Variants in LMBRD2 observed in about 807,000 individuals in gnomAD.
The protein encoded by LMBRD2 is G protein-coupled receptor-associated protein LMBRD2.
A neutral mutation model predicts 94.4 loss-of-function variants in LMBRD2; 55 were observed. That is an observed-to-expected ratio of 0.58 (90% CI 0.47 to 0.73). LMBRD2 has a LOEUF of 0.73. LMBRD2 is among the 30% of genes least tolerant of loss of function. The probability of loss-of-function intolerance (pLI) is 0.00; values close to 1 mark genes in which losing one functional copy is unlikely to be tolerated. For missense variants in LMBRD2, 640 were observed against 831.9 expected, an observed-to-expected ratio of 0.77 and a Z score of 2.84; for synonymous variants, 246 against 272.4, an observed-to-expected ratio of 0.90 and a Z score of 0.95.
intron 6 of LMBRD2, among the ~76,000 whole-genome samples, chr5:36,131,202 A>T (rs1386717219): frequency 6.6e-6 from 1 of 152,308 alleles, no homozygotes; most frequent in East Asian, 1.9e-4. Flanking sequence ...AATCAATGTG[A>T]TATATCATAT....
intron 15 of LMBRD2, among the ~76,000 whole-genome samples, 159 bp downstream of exon 15, chr5:36,109,786 A>T (rs1743560041): frequency 6.6e-6 from 1 of 152,072 alleles, no homozygotes; most frequent in Non-Finnish European, 1.5e-5. Flanking sequence ...TAGCGTATAT[A>T]CCTGAAAGTA....
chr5:36,118,827 T>C (rs1743820312), intron 9 of LMBRD2, among the ~76,000 whole-genome samples: 1 of 151,980 alleles, frequency 6.6e-6, no homozygotes, highest in Admixed American at 6.6e-5. Flanking sequence ...ATTTTCTGTA[T>C]TTTTATTAGA....
chr5:36,123,860 G>C (rs936864902), intron 7 of LMBRD2, among the ~76,000 whole-genome samples: 2 of 151,612 alleles, frequency 1.3e-5, no homozygotes, highest in African/African-American at 4.8e-5. Flanking sequence ...AGATATTACT[G>C]AGGCCTTGGT....
Position 36,124,258 on chromosome 5 carries a change from C to T in LMBRD2, c.755G>A (p.Arg252His), listed in dbSNP as rs747697883. Residue 252 changes from arginine (R) to histidine (H), a missense_variant, in exon 7 of 18, where the codon CGT (arginine) becomes CAT (histidine). This residue lies in a region of LMBRD2 where 457 missense variants were observed against 642.8 expected (regional missense o/e 0.71). Transcript: ENST00000296603. Reference sequence around the variant, plus strand: ...ATACTTGATGCTTTCATTCACTTTACGAACCTCCTATAAAAACAGTAAAAT... The same window carrying T: ...ATACTTGATGCTTTCATTCACTTTATGAACCTCCTATAAAAACAGTAAAAT... ...ENLEDAMEEV[R>H]KVNESIKYNH... 27 of 1,567,614 alleles carry T rather than the reference C, an allele frequency of 1.7e-5. No homozygotes were observed. Among genetic ancestry groups the T allele is most frequent in the Admixed American group, 1.0e-4 (6 of 59,410 alleles).
intron 9 of LMBRD2, among the ~76,000 whole-genome samples, chr5:36,121,383 C>T (rs962516058): frequency 3.3e-5 from 5 of 152,100 alleles, no homozygotes; most frequent in Non-Finnish European, 4.4e-5. Flanking sequence ...AAAGGAGAAT[C>T]AAGTGAATAT....
At chr5:36,148,808 A>G (rs1744617111) in intron 1 of LMBRD2, among the ~76,000 whole-genome samples, 1 of 152,220 alleles carries the variant, frequency 6.6e-6, no homozygotes, top group Non-Finnish European at 1.5e-5. Context: ...ATCTAGACAT[A>G]GTTTCTTAAT....
In LMBRD2 at chr5:36,099,243, A is replaced by G. The variant is rs1223616100; in HGVS notation, c.*4803T>C. 6.6e-6 allele frequency: 1 copy of G among 152,158 alleles called. No homozygotes were observed. The highest frequency in any genetic ancestry group is 1.5e-5 in the Non-Finnish European group (1 of 67,988). 9.4% of individuals were successfully genotyped at this position (152,158 alleles called of 1,614,324 possible). On this transcript the variant is annotated 3_prime_UTR_variant, in exon 18 of 18. Coordinates refer to ENST00000296603, the MANE Select transcript of LMBRD2 (RefSeq NM_001007527.2). The stretch of plus-strand genomic sequence containing the variant: ...ACTATTTAAAAGCAATACTACAATT[A>G]GTTACTTACAAAAACATTTATAAAA...
chr5:36,112,898 G>A (rs900818825), intron 13 of LMBRD2, among the ~76,000 whole-genome samples: 8 of 151,964 alleles, frequency 5.3e-5, no homozygotes, highest in African/African-American at 1.9e-4. Context: ...ATAGTTTTAG[G>A]CACACAAAGT....
chr5:36,151,109 ACT>A lies in LMBRD2; in HGVS notation c.-58+445_-58+446del, dbSNP rs754755300. On this transcript the variant is annotated intron_variant, in intron 1 of 17. Coordinates refer to ENST00000296603, the MANE Select transcript of LMBRD2 (RefSeq NM_001007527.2). This position sits in a 1 kb window ranked among gnomAD's most constrained non-coding sequence, Gnocchi z 4.7. Reference sequence around the variant, plus strand: ...GTACCTGGAATATGTCACGCTCCCTACTCTTACTGCCCCCAAACTCTTCTCAG... The same window carrying A: ...GTACCTGGAATATGTCACGCTCCCTACTTACTGCCCCCAAACTCTTCTCAG... 1.4e-4 allele frequency among the ~76,000 whole-genome samples: 22 copies of A among 152,030 alleles called. No individual in the cohort carries two copies. In the East Asian group the frequency reaches 3.9e-3, roughly 27 times the overall value.
chr5:36,119,313 T>A (rs929232278), intron 9 of LMBRD2, among the ~76,000 whole-genome samples: 12 of 152,184 alleles, frequency 7.9e-5, no homozygotes, highest in African/African-American at 2.7e-4. Context: ...TATAATCACA[T>A]TCCAGCATCC....
In LMBRD2 at chr5:36,143,342, C is replaced by CCACT; in HGVS notation, c.4_7dup (p.Gly3GlufsTer8). 1 of 1,612,512 alleles carries CCACT rather than the reference C, an allele frequency of 6.2e-7. No homozygotes were observed. The highest frequency in any genetic ancestry group is 8.5e-7 in the Non-Finnish European group (1 of 1,179,072). ...AACAATCTCAAGTCCCAAAGCTGCACCACTCATTATTGAATATTTCACTCT... is the reference window on the plus strand; with the variant it reads ...AACAATCTCAAGTCCCAAAGCTGCACCACTCACTCATTATTGAATATTTCACTCT... On this transcript the variant is annotated frameshift_variant, in exon 2 of 18. Transcript: ENST00000296603. LOFTEE classifies it high-confidence loss of function.
intron 14 of LMBRD2, among the ~76,000 whole-genome samples, chr5:36,110,530 A>G (rs1048125420): frequency 2.6e-5 from 4 of 151,988 alleles, no homozygotes; most frequent in African/African-American, 9.7e-5. Flanking sequence ...TGAAGGCTAC[A>G]CTGGCTTATT....
In LMBRD2 at chr5:36,101,524, A is replaced by G. The variant is rs2111830390; in HGVS notation, c.*2522T>C. The G allele has an allele frequency of 6.6e-6, 1 of 152,144 alleles. No individual in the cohort carries two copies. Among genetic ancestry groups the G allele is most frequent in the South Asian group, 2.1e-4 (1 of 4,830 alleles). The allele number at this position is 152,144 out of a possible 1,614,324, so 9.4% of individuals were successfully genotyped here. ...TTGCAGTAGATGTCATTATATTTCA[A>G]TAAGCTTCTCAAAAGAGAAAACTTC... On this transcript the variant is annotated 3_prime_UTR_variant, in exon 18 of 18. Transcript: ENST00000296603.
chr5:36,142,478 TA>T (rs756096737), intron 3 of LMBRD2, 23 bp downstream of exon 3: 26 of 1,341,734 alleles, frequency 1.9e-5, no homozygotes, highest in Middle Eastern at 1.8e-4. Context: ...AATGTTTATA[TA>T]TTTTTTTTAA....
intron 2 of LMBRD2, 114 bp from the exon 3 acceptor site, chr5:36,142,713 A>C (rs980788075): frequency 5.8e-6 from 3 of 516,024 alleles, no homozygotes; most frequent in African/African-American, 2.0e-5. Flanking sequence ...GCTATGCTTT[A>C]TTCTTTTTTT....
At position 36,102,904 on chromosome 5, in the gene LMBRD2, C is replaced by G. The variant is rs532307936; in HGVS notation, c.*1142G>C. 1.3e-5 allele frequency: 2 copies of G among 151,772 alleles called. No individual in the cohort carries two copies. Among genetic ancestry groups the G allele is most frequent in the Non-Finnish European group, 3.0e-5 (2 of 67,760 alleles). The allele number at this position is 151,772 out of a possible 1,614,324, so 9.4% of individuals were successfully genotyped here. On this transcript the variant is annotated 3_prime_UTR_variant, in exon 18 of 18. Transcript: ENST00000296603. The stretch of plus-strand genomic sequence containing the variant: ...CAAATATTCTAGGGACATAAGAAAA[C>G]TCTCTGCAAGCATGCTGCAATCAAA...
intron 6 of LMBRD2, among the ~76,000 whole-genome samples, chr5:36,131,516 C>T (rs1033986380): frequency 6.6e-6 from 1 of 151,964 alleles, no homozygotes; most frequent in Non-Finnish European, 1.5e-5. Context: ...ATATAAAGGG[C>T]ATCAAAATTG....
chr5:36,114,836 A>G (rs914091508), intron 12 of LMBRD2, among the ~76,000 whole-genome samples, 179 bp downstream of exon 12: 2 of 152,204 alleles, frequency 1.3e-5, no homozygotes, highest in Non-Finnish European at 2.9e-5. Context: ...AAACATTTTT[A>G]TCATAAAAGA....
At chr5:36,138,925 T>C (rs1269886015) in intron 4 of LMBRD2, among the ~76,000 whole-genome samples, 1 of 152,238 alleles carries the variant, frequency 6.6e-6, no homozygotes, top group Non-Finnish European at 1.5e-5. Flanking sequence ...GCAGCTTGTC[T>C]GGAGTGGCCC....
Sources: allele counts gnomAD v4.1 joint callset (sites outside exome capture counted in the v4.1 genomes callset), GRCh38; gene constraint gnomAD v4.1.1; regional missense constraint gnomAD v4.1.1; non-coding constraint Gnocchi (gnomAD v3.1); transcripts MANE v1.5; gene names NCBI Gene and HGNC (gene_info 2026-07-23, HGNC 2026-07-21).